Variants in ZNF536 observed in about 807,000 individuals in gnomAD.
ZNF536 encodes zinc finger protein 536.
ZNF536 carries 13 observed loss-of-function variants against 84.5 expected under a neutral mutation model. The ratio of observed to expected loss-of-function variants is 0.15; its 90% CI spans 0.10 to 0.24. The LOEUF (loss-of-function observed/expected upper bound fraction) is 0.24, where lower values mean the gene tolerates loss of function less well. ZNF536 is among the 10% of genes least tolerant of loss of function. The pLI is 1.00. For missense variants in ZNF536, 1,536 were observed against 1,747.5 expected, an observed-to-expected ratio of 0.88 and a Z score of 2.16; for synonymous variants, 811 against 742.5, an observed-to-expected ratio of 1.09 and a Z score of -1.50.
chr19:30,451,773 C>G (rs2052619441), intron 2 of ZNF536, among the ~76,000 whole-genome samples: 1 of 152,218 alleles, frequency 6.6e-6, no homozygotes, highest in South Asian at 2.1e-4. Flanking sequence ...GGCTGCCCTT[C>G]TGTTTCCAAC....
At chr19:30,330,251 G>A (rs2047167735) in intron 2 of ZNF536, among the ~76,000 whole-genome samples, 1 of 152,110 alleles carries the variant, frequency 6.6e-6, no homozygotes, top group African/African-American at 2.4e-5. Flanking sequence ...AGAAGTTTGT[G>A]GCCAATAGTA....
At chr19:30,273,928 G>A (rs1321736587) in intron 1 of ZNF536, among the ~76,000 whole-genome samples, 2 of 152,192 alleles carry the variant, frequency 1.3e-5, no homozygotes, top group South Asian at 4.1e-4. Flanking sequence ...AGAATGGAAA[G>A]AAATGCACCA....
At chr19:30,604,153 T>C (rs1386351444) in intron 1 of ZNF536, among the ~76,000 whole-genome samples, 1 of 152,184 alleles carries the variant, frequency 6.6e-6, no homozygotes, top group Non-Finnish European at 1.5e-5. Flanking sequence ...TGGTATGCAA[T>C]AGTAGAAGAC....
At chr19:30,551,469 C>A (rs2045780121) in intron 4 of ZNF536, among the ~76,000 whole-genome samples, 1 of 152,196 alleles carries the variant, frequency 6.6e-6, no homozygotes, top group African/African-American at 2.4e-5. Flanking sequence ...AACAGCAGCA[C>A]ACGACACGTC....
In ZNF536 at chr19:30,667,625, C is replaced by CT. The variant is rs57656065; in HGVS notation, c.170-43117dup. On this transcript the variant is annotated intron_variant, in intron 1 of 1. Coordinates refer to the ZNF536 transcript ENST00000592773. ...CTCTCTCAGCTAGAGTTTTTTCTAGCTTTTTTTTTTTTTTTAATTAATGAG... is the reference window on the plus strand; with the variant it reads ...CTCTCTCAGCTAGAGTTTTTTCTAGCTTTTTTTTTTTTTTTTAATTAATGAG... 6.6e-3 allele frequency among the ~76,000 whole-genome samples: 819 copies of CT among 124,014 alleles called. 8 individuals are homozygous for CT. The highest frequency in any genetic ancestry group is 0.013 in the Middle Eastern group (3 of 232). The allele number at this position is 124,014 out of a possible 152,430, so 81.4% of individuals were successfully genotyped here.
intron 2 of ZNF536, among the ~76,000 whole-genome samples, chr19:30,515,360 T>C (rs537837617): frequency 4.6e-5 from 7 of 152,352 alleles, no homozygotes; most frequent in African/African-American, 1.4e-4. Context: ...TGTGCTCGAT[T>C]AATGTTAACT....
chr19:30,236,609 A>G (rs776156342), intron 1 of ZNF536, among the ~76,000 whole-genome samples: 2 of 152,192 alleles, frequency 1.3e-5, no homozygotes, highest in African/African-American at 2.4e-5. Context: ...CAGACAAGAT[A>G]ACATGAACAT....
chr19:30,300,925 A>T (rs2046161072), intron 2 of ZNF536, among the ~76,000 whole-genome samples: 1 of 152,202 alleles, frequency 6.6e-6, no homozygotes, highest in Admixed American at 6.5e-5. Flanking sequence ...ACCTTGGTCA[A>T]ATCTCTTAGC....
intron 2 of ZNF536, among the ~76,000 whole-genome samples, chr19:30,446,142 G>C (rs954594052): frequency 6.6e-6 from 1 of 150,702 alleles, no homozygotes; most frequent in Non-Finnish European, 1.5e-5. Flanking sequence ...CTAGCTATTC[G>C]GGAGGCTAAG....
chr19:30,378,520 T>C (rs897372414), intron 1 of ZNF536, among the ~76,000 whole-genome samples: 1 of 152,198 alleles, frequency 6.6e-6, no homozygotes, highest in Non-Finnish European at 1.5e-5. Flanking sequence ...GGTCTCGAAC[T>C]CCTGCCACAT....
intron 1 of ZNF536, among the ~76,000 whole-genome samples, chr19:30,256,671 C>T (rs1419303992): frequency 6.6e-6 from 1 of 152,134 alleles, no homozygotes; most frequent in African/African-American, 2.4e-5. Flanking sequence ...CAGGAGCTCT[C>T]TGAAGCCGGG....
chr19:30,317,192 G>C (rs2046708411), intron 2 of ZNF536, among the ~76,000 whole-genome samples: 2 of 151,934 alleles, frequency 1.3e-5, no homozygotes, highest in Non-Finnish European at 2.9e-5. Flanking sequence ...ACCCAGCCCT[G>C]TCTGGGGTCC....
intron 2 of ZNF536, among the ~76,000 whole-genome samples, chr19:30,296,998 G>A (rs990333766): frequency 2.6e-5 from 4 of 152,318 alleles, no homozygotes; most frequent in Non-Finnish European, 5.9e-5. Context: ...CTTCCTATGA[G>A]GTGTTTGAGA....
At position 30,591,235 on chromosome 19, in the gene ZNF536, G is replaced by A. The variant is rs545854549; in HGVS notation, c.169+41721G>A. 1.6e-4 allele frequency among the ~76,000 whole-genome samples: 24 copies of A among 152,322 alleles called. 1 individual carries two copies. In the South Asian group the frequency reaches 4.4e-3, roughly 28 times the overall value. ...GCAGGGATCCGAGGGTGTCCTTACT[G>A]TTCACACTTGTGCAGGACTGCCACT... On this transcript the variant is annotated intron_variant, in intron 1 of 1. Transcript: ENST00000592773.
intron 1 of ZNF536, among the ~76,000 whole-genome samples, chr19:30,663,220 A>C (rs2050189390): frequency 6.6e-6 from 1 of 151,866 alleles, no homozygotes; most frequent in Non-Finnish European, 1.5e-5. Flanking sequence ...TTAATATCTA[A>C]GTACAGTAAT....
chr19:30,317,043 G>C (rs1223345527), intron 2 of ZNF536, among the ~76,000 whole-genome samples: 4 of 152,166 alleles, frequency 2.6e-5, no homozygotes, highest in African/African-American at 9.7e-5. Context: ...GATAGAGAGG[G>C]GGTTAGCCCT....
At chr19:30,376,929 G>C (rs1031735587) in intron 1 of ZNF536, among the ~76,000 whole-genome samples, 4 of 152,200 alleles carry the variant, frequency 2.6e-5, no homozygotes, top group Admixed American at 2.0e-4. Flanking sequence ...CAGTGGGTAC[G>C]GGGCAGATGG....
At chr19:30,673,239 C>A (rs2050626953) in intron 1 of ZNF536, among the ~76,000 whole-genome samples, 1 of 152,216 alleles carries the variant, frequency 6.6e-6, no homozygotes, top group African/African-American at 2.4e-5. Flanking sequence ...GAAATAGTGA[C>A]AGATCTGAGC....
intron 1 of ZNF536, among the ~76,000 whole-genome samples, chr19:30,615,632 A>G (rs2048267198): frequency 6.6e-6 from 1 of 152,000 alleles, no homozygotes; most frequent in Admixed American, 6.5e-5. Context: ...TTTTAAAATT[A>G]TATTCCCCAG....
Sources: allele counts gnomAD v4.1 joint callset (sites outside exome capture counted in the v4.1 genomes callset), GRCh38; gene constraint gnomAD v4.1.1; transcripts MANE v1.5; gene names NCBI Gene and HGNC (gene_info 2026-07-23, HGNC 2026-07-21).